CHLSN: variants seen among roughly 807,000 people sequenced by gnomAD.
CHLSN encodes cholesin.
At chr7:1,049,347 C>T in the CHLSN span, among the ~76,000 whole-genome samples, 4 of 152,222 alleles carry the variant, frequency 2.6e-5, no homozygotes, top group African/African-American at 4.8e-5. Flanking sequence ...GAGCAAGTGC[C>T]GGCACCCTCT....
At chr7:1,060,000 C>CG in the CHLSN span, among the ~76,000 whole-genome samples, 1 of 97,954 alleles carries the variant, frequency 1.0e-5, no homozygotes, top group African/African-American at 3.9e-5. Context: ...TGGGGCGGGT[C>CG]TGTAGTGGGG....
chr7:1,076,847 C>T, the CHLSN span, among the ~76,000 whole-genome samples: 6,315 of 152,320 alleles, frequency 0.041, 432 homozygotes, highest in African/African-American at 0.14. Context: ...CTTCTAGCCA[C>T]ACTTCCTGCA....
At chr7:1,047,926 G>A in the CHLSN span, among the ~76,000 whole-genome samples, 3 of 152,106 alleles carry the variant, frequency 2.0e-5, no homozygotes, top group Non-Finnish European at 4.4e-5. Context: ...CCCCTTCTAC[G>A]GTTTTCATCC....
the CHLSN span, chr7:1,058,278 G>C: frequency 1.3e-6 from 1 of 773,100 alleles, no homozygotes. Context: ...GATCCTGCTG[G>C]GGCACACGGT....
At chr7:1,112,108 C>T in the CHLSN span, among the ~76,000 whole-genome samples, 2 of 152,170 alleles carry the variant, frequency 1.3e-5, no homozygotes, top group African/African-American at 4.8e-5. Flanking sequence ...GCAGCGCTGG[C>T]AAACATCTGG....
At chr7:1,023,441 C>T in the CHLSN span, among the ~76,000 whole-genome samples, 4 of 152,000 alleles carry the variant, frequency 2.6e-5, no homozygotes, top group African/African-American at 9.7e-5. This position sits in a 1 kb window ranked among gnomAD's most constrained non-coding sequence, Gnocchi z 5.0. Flanking sequence ...CCAGCCCCAG[C>T]GCCCCTCTGA....
the CHLSN span, chr7:1,092,549 C>T: frequency 4.3e-6 from 7 of 1,609,452 alleles, no homozygotes; most frequent in East Asian, 2.2e-5. Context: ...TGCTGGCTGC[C>T]GGAGAACGTC....
chr7:1,047,599 C>A, the CHLSN span, among the ~76,000 whole-genome samples: 1 of 152,250 alleles, frequency 6.6e-6, no homozygotes, highest in Non-Finnish European at 1.5e-5. Context: ...ATTCCAGAGT[C>A]ATTTTGAAAG....
chr7:1,134,114 A>T, the CHLSN span, among the ~76,000 whole-genome samples: 2,949 of 151,988 alleles, frequency 0.019, 35 homozygotes, highest in African/African-American at 0.028. Context: ...ATATATATAT[A>T]TTTTTTTAAT....
chr7:1,005,763 G>T, the CHLSN span, among the ~76,000 whole-genome samples: 4 of 152,248 alleles, frequency 2.6e-5, no homozygotes, highest in African/African-American at 9.6e-5. Flanking sequence ...CACGGCAGGA[G>T]TGACTTGCTC....
chr7:1,058,176 G>A, the CHLSN span: 3 of 740,318 alleles, frequency 4.1e-6, no homozygotes, highest in Non-Finnish European at 7.4e-6. Context: ...CACGCCCCTG[G>A]ACCGGGACAC....
chr7:1,070,375 C>T, the CHLSN span, among the ~76,000 whole-genome samples: 9 of 127,962 alleles, frequency 7.0e-5, no homozygotes, highest in East Asian at 6.0e-4. Context: ...GCCCCCCGCC[C>T]GGCCAGCCGC....
the CHLSN span, chr7:1,058,286 G>C: frequency 1.3e-6 from 1 of 773,740 alleles, no homozygotes; most frequent in Non-Finnish European, 2.4e-6. Flanking sequence ...TGGGGCACAC[G>C]GTCATCATCT....
At chr7:1,008,057 C>T in the CHLSN span, among the ~76,000 whole-genome samples, 17 of 152,270 alleles carry the variant, frequency 1.1e-4, no homozygotes, top group South Asian at 4.1e-4. Context: ...GGACAAACCC[C>T]GCCCACCCCA....
the CHLSN span, among the ~76,000 whole-genome samples, chr7:1,041,982 A>G: frequency 0.19 from 28,569 of 152,218 alleles, 2,955 homozygotes; most frequent in Admixed American, 0.23. Context: ...GGGCGGCCCC[A>G]ACATCTCCGT....
the CHLSN span, among the ~76,000 whole-genome samples, chr7:1,060,372 G>A: frequency 6.6e-6 from 1 of 152,214 alleles, no homozygotes; most frequent in Admixed American, 6.5e-5. Flanking sequence ...CACCCCTTCT[G>A]AAGACGGGCG....
the CHLSN span, among the ~76,000 whole-genome samples, chr7:1,040,948 T>G: frequency 6.6e-6 from 1 of 152,258 alleles, no homozygotes; most frequent in African/African-American, 2.4e-5. Flanking sequence ...GGCTGCTGCA[T>G]GCCGGGCCTC....
chr7:994,126 C>A, the CHLSN span, among the ~76,000 whole-genome samples: 1 of 152,306 alleles, frequency 6.6e-6, no homozygotes, highest in African/African-American at 2.4e-5. Context: ...AAACAATGCT[C>A]CCTTTGATTA....
At chr7:994,796 T>C in the CHLSN span, among the ~76,000 whole-genome samples, 3 of 152,268 alleles carry the variant, frequency 2.0e-5, no homozygotes, top group Non-Finnish European at 1.5e-5. Context: ...GCATATCTAC[T>C]GCAGGGGACA....
Sources: gnomAD v4.1 joint callset for allele counts (sites outside exome capture counted in the v4.1 genomes callset) on GRCh38, gnomAD v4.1.1 for gene constraint, Gnocchi (gnomAD v3.1) non-coding constraint, MANE v1.5 for transcripts, NCBI Gene and HGNC (gene_info 2026-07-23, HGNC 2026-07-21) for gene names.